APBA1: variants seen among roughly 807,000 people sequenced by gnomAD.
APBA1 encodes amyloid-beta A4 precursor protein-binding family A member 1.
Under a neutral mutation model 86.6 loss-of-function variants are expected in APBA1, and 55 were observed. The ratio of observed to expected loss-of-function variants is 0.64; its 90% CI spans 0.51 to 0.80. The LOEUF (loss-of-function observed/expected upper bound fraction) is 0.80. APBA1 is among the 30% of genes least tolerant of loss of function. The pLI is 0.00. For synonymous variants in APBA1, 511 were observed against 493.9 expected (o/e 1.03, Z -0.46); for missense variants, 1,090 against 1,183.0 (o/e 0.92, Z 1.15).
Position 69,429,866 on chromosome 9 carries a change from G to A in APBA1, c.*1461C>T, listed in dbSNP as rs1358779484. ...CCCTGTCTCTACTGAGGTCATGAAT[G>A]AAACAAAACAAAAGCAAAGCCAAAT... On this transcript the variant is annotated 3_prime_UTR_variant, in exon 13 of 13. Coordinates refer to ENST00000265381, the MANE Select transcript of APBA1 (RefSeq NM_001163.4). The A allele has an allele frequency of 6.6e-6, 1 of 151,954 alleles. No homozygotes were observed. Among genetic ancestry groups the A allele is most frequent in the Non-Finnish European group, 1.5e-5 (1 of 68,012 alleles). 9.4% of individuals were successfully genotyped at this position (151,954 alleles called of 1,614,324 possible).
At chr9:69,528,092 C>T (rs1836370641) in intron 1 of APBA1, among the ~76,000 whole-genome samples, 1 of 152,016 alleles carries the variant, frequency 6.6e-6, no homozygotes, top group Non-Finnish European at 1.5e-5. Context: ...TGGCTAGTGG[C>T]CACATCTTTA....
In APBA1 at chr9:69,616,485, T is replaced by G. The variant is rs571892296; in HGVS notation, c.-70+55668A>C. On this transcript the variant is annotated intron_variant, in intron 1 of 12. Coordinates refer to ENST00000265381, the MANE Select transcript of APBA1 (RefSeq NM_001163.4). ...TTGTCATAGTACTATTAATTTTACT[T>G]TGTATTTTCCTTTTTAAACTTTGTA... 5.3e-5 allele frequency among the ~76,000 whole-genome samples: 8 copies of G among 152,314 alleles called. No individual in the cohort carries two copies. In the South Asian group the frequency reaches 1.2e-3, roughly 24 times the overall value.
chr9:69,511,589 C>T (rs1246170236), intron 2 of APBA1, among the ~76,000 whole-genome samples: 4 of 151,562 alleles, frequency 2.6e-5, no homozygotes, highest in Non-Finnish European at 5.9e-5. Context: ...ACCCAGAGGA[C>T]TATAAATCAT....
At chr9:69,639,036 T>A (rs1823234901) in intron 1 of APBA1, among the ~76,000 whole-genome samples, 1 of 152,064 alleles carries the variant, frequency 6.6e-6, no homozygotes, top group African/African-American at 2.4e-5. Flanking sequence ...TTTATATAGG[T>A]TTTGATTTTT....
intron 1 of APBA1, among the ~76,000 whole-genome samples, chr9:69,582,996 G>A (rs541245379): frequency 4.6e-5 from 7 of 152,284 alleles, no homozygotes; most frequent in African/African-American, 7.2e-5. Context: ...ATCCTGTATG[G>A]AAGCTGTATC....
At chr9:69,449,172 A>G (rs1479360548) in intron 10 of APBA1, among the ~76,000 whole-genome samples, 1 of 152,172 alleles carries the variant, frequency 6.6e-6, no homozygotes, top group Non-Finnish European at 1.5e-5. Context: ...TCAGATTTGA[A>G]GCATTTCTGA....
rs1347690894 is a variant in APBA1 at position 69,432,559 on chromosome 9, T to C, written c.2419A>G (p.Ile807Val). The change falls in exon 12 of 13, where the codon ATT becomes GTT. Residue 807 changes from isoleucine (I) to valine (V), a missense_variant. By Grantham distance (29) the Ile-to-Val change is conservative (BLOSUM62 3). Around this residue, in one of 6 missense-constraint regions of APBA1, gnomAD observed 119 missense variants for 124.8 expected, o/e 0.95. Transcript: ENST00000265381. ...ACCTCCCCAACAGCATTGGAGAGAA[T>C]GTGGACGATCTTCTCGTGGGGGGTG... ...VATPHEKIVH[I>V]LSNAVGEIHM... is the part of the protein sequence containing the mutation. 6 of 1,588,144 alleles carry C rather than the reference T, an allele frequency of 3.8e-6. No individual in the cohort carries two copies. Among genetic ancestry groups the C allele is most frequent in the East Asian group, 2.3e-5 (1 of 42,970 alleles).
chr9:69,530,076 T>C (rs1836401043), intron 1 of APBA1, among the ~76,000 whole-genome samples: 1 of 151,898 alleles, frequency 6.6e-6, no homozygotes, highest in South Asian at 2.1e-4. Context: ...ATTAATTCAA[T>C]CTATATGGAA....
At chr9:69,636,942 A>G (rs1002942057) in intron 1 of APBA1, among the ~76,000 whole-genome samples, 105 of 135,866 alleles carry the variant, frequency 7.7e-4, no homozygotes, top group African/African-American at 2.0e-3. Flanking sequence ...AAAGAAAGAA[A>G]GAAAGAAAGA....
chr9:69,466,143 C>T (rs953814450), intron 5 of APBA1, among the ~76,000 whole-genome samples: 2 of 152,072 alleles, frequency 1.3e-5, no homozygotes, highest in African/African-American at 2.4e-5. Context: ...AGCATTTTCT[C>T]CAAGTACAGA....
chr9:69,482,905 T>C (rs745319102), intron 2 of APBA1, among the ~76,000 whole-genome samples: 2 of 133,988 alleles, frequency 1.5e-5, no homozygotes, highest in Non-Finnish European at 3.1e-5. Context: ...CACTCATAGG[T>C]GGGAATTGAA....
chr9:69,610,949 C>G (rs1822573649), intron 1 of APBA1, among the ~76,000 whole-genome samples: 1 of 152,034 alleles, frequency 6.6e-6, no homozygotes, highest in African/African-American at 2.4e-5. Flanking sequence ...AAAGGTAGAG[C>G]CTTCTAAGTT....
intron 1 of APBA1, among the ~76,000 whole-genome samples, chr9:69,564,293 A>G (rs1440768660): frequency 2.6e-5 from 4 of 152,182 alleles, no homozygotes; most frequent in Admixed American, 2.6e-4. Flanking sequence ...ATCTCCTTTC[A>G]AGAGCTTTAT....
intron 2 of APBA1, among the ~76,000 whole-genome samples, chr9:69,511,500 TGGAAGTC>T (rs2133883048): frequency 6.6e-6 from 1 of 152,176 alleles, no homozygotes; most frequent in Non-Finnish European, 1.5e-5. Context: ...TCAACCATTG[TGGAAGTC>T]AGTGTGGCGA....
chr9:69,612,761 AAAAAGAAT>A (rs1406320287), intron 1 of APBA1, among the ~76,000 whole-genome samples: 1 of 152,082 alleles, frequency 6.6e-6, no homozygotes, highest in African/African-American at 2.4e-5. Flanking sequence ...TTATTGAGAA[AAAAAGAAT>A]AATTTTGTCT....
chr9:69,662,457 G>T (rs902304710), intron 1 of APBA1, among the ~76,000 whole-genome samples: 1 of 152,106 alleles, frequency 6.6e-6, no homozygotes, highest in Non-Finnish European at 1.5e-5. Context: ...CTGCCATAAA[G>T]AACACAATCA....
intron 1 of APBA1, among the ~76,000 whole-genome samples, chr9:69,550,861 C>T (rs564885333): frequency 7.2e-4 from 110 of 152,174 alleles, no homozygotes; most frequent in African/African-American, 2.6e-3. Flanking sequence ...CAGTCCTCTA[C>T]CATGTGTAAG....
At chr9:69,570,023 G>A (rs1212329282) in intron 1 of APBA1, among the ~76,000 whole-genome samples, 4 of 152,174 alleles carry the variant, frequency 2.6e-5, no homozygotes, top group South Asian at 2.1e-4. Context: ...ATATTAATCA[G>A]GGATCTAAGA....
At chr9:69,500,314 G>A (rs1266340974) in intron 2 of APBA1, among the ~76,000 whole-genome samples, 1 of 152,094 alleles carries the variant, frequency 6.6e-6, no homozygotes, top group Non-Finnish European at 1.5e-5. Context: ...AAATGTAACT[G>A]GCACAACAAA....
Sources: gnomAD v4.1 joint callset for allele counts (sites outside exome capture counted in the v4.1 genomes callset) on GRCh38, gnomAD v4.1.1 for gene constraint, gnomAD v4.1.1 regional missense constraint, MANE v1.5 for transcripts, NCBI Gene and HGNC (gene_info 2026-07-23, HGNC 2026-07-21) for gene names.